The following LRRK1 variants were observed in gnomAD, a reference collection of about 807,000 sequenced individuals.
LRRK1 encodes the protein leucine-rich repeat serine/threonine-protein kinase 1.
LRRK1 carries 113 observed loss-of-function variants against 209.1 expected under a neutral mutation model. That is an observed-to-expected ratio of 0.54 (90% CI 0.46 to 0.63). The LOEUF is 0.63. Ranked by LOEUF, LRRK1 falls within the 30% of genes least tolerant of loss-of-function variation. LRRK1 has a pLI of 0.00. For synonymous variants in LRRK1, 1,144 were observed against 1,099.7 expected (o/e 1.04, Z -0.80); for missense variants, 2,284 against 2,632.2 (o/e 0.87, Z 2.89).
intron 2 of LRRK1, among the ~76,000 whole-genome samples, chr15:100,960,131 AG>A (rs2042846996): frequency 6.6e-6 from 1 of 152,212 alleles, no homozygotes; most frequent in African/African-American, 2.4e-5. Context: ...CCGCCACGTA[AG>A]AAAAACCAGA....
At chr15:101,054,234 A>G (rs577649588) in intron 26 of LRRK1, among the ~76,000 whole-genome samples, 28 of 152,272 alleles carry the variant, frequency 1.8e-4, no homozygotes, top group African/African-American at 6.7e-4. Flanking sequence ...TTAGCCTCCC[A>G]AAGTGCTGGA....
At chr15:100,958,686 G>A (rs1567200531) in intron 2 of LRRK1, among the ~76,000 whole-genome samples, 2 of 152,044 alleles carry the variant, frequency 1.3e-5, no homozygotes, top group Admixed American at 6.5e-5. Flanking sequence ...AGAGCCTCTC[G>A]GGGTCAGGCA....
At chr15:100,973,402 TGGCC>T (rs1443363609) in intron 2 of LRRK1, among the ~76,000 whole-genome samples, 1 of 151,884 alleles carries the variant, frequency 6.6e-6, no homozygotes, top group Non-Finnish European at 1.5e-5. Context: ...CCCCGGGAGG[TGGCC>T]TGTCTTTCCC....
At chr15:101,054,679 C>T (rs574251504) in intron 26 of LRRK1, among the ~76,000 whole-genome samples, 220 of 152,194 alleles carry the variant, frequency 1.4e-3, no homozygotes, top group African/African-American at 5.0e-3. Flanking sequence ...TGGTGGCACG[C>T]GCCTATAGTC....
chr15:100,930,278 C>T (rs934594612), intron 2 of LRRK1, among the ~76,000 whole-genome samples: 4 of 152,198 alleles, frequency 2.6e-5, no homozygotes, highest in African/African-American at 4.8e-5. Context: ...AGCCATCCCA[C>T]GGACAGGCCG....
intron 20 of LRRK1, chr15:101,043,995 A>C (rs1020419907): frequency 1.3e-5 from 2 of 152,186 alleles, no homozygotes; most frequent in Non-Finnish European, 1.5e-5. Flanking sequence ...GTAGGTACTC[A>C]TAGCCATGGT....
Position 101,075,028 on chromosome 15 carries a change from A to T in LRRK1, c.*6180A>T, listed in dbSNP as rs9744716. ...GGCTGAAGACTGACACTGCCCGATCACCTCGGAAGCCCCCTAGACCATCAC... is the reference window on the plus strand; with the variant it reads ...GGCTGAAGACTGACACTGCCCGATCTCCTCGGAAGCCCCCTAGACCATCAC... On this transcript the variant is annotated 3_prime_UTR_variant, in exon 34 of 34. Coordinates refer to ENST00000388948, the MANE Select transcript of LRRK1 (RefSeq NM_024652.6). 1 of 104,596 alleles carries T rather than the reference A, an allele frequency of 9.6e-6. No individual in the cohort carries two copies. Among genetic ancestry groups the T allele is most frequent in the South Asian group, 3.2e-4 (1 of 3,102 alleles). The allele number at this position is 104,596 out of a possible 1,614,324, so 6.5% of individuals were successfully genotyped here.
At chr15:100,981,785 C>A (rs142539421) in intron 3 of LRRK1, among the ~76,000 whole-genome samples, 13 of 152,374 alleles carry the variant, frequency 8.5e-5, no homozygotes, top group African/African-American at 3.1e-4. Context: ...AGTCCAGCAT[C>A]TGGCACCTGG....
At chr15:101,014,476 G>A (rs770193236) in intron 11 of LRRK1, 48 bp downstream of exon 11, 6 of 1,296,994 alleles carry the variant, frequency 4.6e-6, no homozygotes, top group African/African-American at 2.9e-5. Flanking sequence ...CGTGTGTGGG[G>A]CCACGGTCGA....
intron 2 of LRRK1, among the ~76,000 whole-genome samples, chr15:100,938,089 G>A (rs1047480145): frequency 6.6e-6 from 1 of 151,374 alleles, no homozygotes; most frequent in Non-Finnish European, 1.5e-5. Context: ...GAACTCCTGA[G>A]CTCAAGCAAT....
In LRRK1 at chr15:101,012,071, A is replaced by G. The variant is rs2033279349; in HGVS notation, c.1345A>G (p.Lys449Glu). ...CLPDKMAVFW[K>E]NHLKDVDFSE... ...GCCAGACAAAATGGCTGTCTTTTGGAAAAATCACCTGAAGGATGTGGATTT... is the reference window on the plus strand; with the variant it reads ...GCCAGACAAAATGGCTGTCTTTTGGGAAAATCACCTGAAGGATGTGGATTT... Residue 449 changes from lysine to glutamate, a missense_variant, in exon 10 of 34, where the codon AAA (lysine) becomes GAA (glutamate). This residue lies in a region of LRRK1 where 494 missense variants were observed against 522.1 expected (regional missense o/e 0.95). Transcript: ENST00000388948. 2 of 1,612,698 alleles carry G rather than the reference A, an allele frequency of 1.2e-6. No homozygotes were observed. Among genetic ancestry groups the G allele is most frequent in the Admixed American group, 1.7e-5 (1 of 59,868 alleles).
intron 6 of LRRK1, among the ~76,000 whole-genome samples, chr15:101,001,794 G>T (rs74344046): frequency 2.0e-5 from 3 of 152,134 alleles, no homozygotes; most frequent in Non-Finnish European, 2.9e-5. Context: ...CGGTTTCTAG[G>T]GGGGAAGATT....
In LRRK1 at chr15:100,988,661, A is replaced by G; in HGVS notation, c.461A>G (p.Asn154Ser). Residue 154 changes from asparagine (N) to serine (S), a missense_variant, in exon 5 of 34, where the codon AAC becomes AGC. This residue lies in a region of LRRK1 where 134 missense variants were observed against 191.7 expected (regional missense o/e 0.70). Transcript: ENST00000388948. ...CCCTGCAGTCCCCAGCGGCTTCTGAACTGGATGCTGGCCTTGGCTTGCCAG... is the reference window on the plus strand; with the variant it reads ...CCCTGCAGTCCCCAGCGGCTTCTGAGCTGGATGCTGGCCTTGGCTTGCCAG... ...PGPCSPQRLLNWMLALACQRG... is the reference protein window; with the variant it reads ...PGPCSPQRLLSWMLALACQRG... 6.2e-7 allele frequency: 1 copy of G among 1,614,146 alleles called. No individual in the cohort carries two copies. The highest frequency in any genetic ancestry group is 8.5e-7 in the Non-Finnish European group (1 of 1,180,012).
intron 12 of LRRK1, among the ~76,000 whole-genome samples, chr15:101,017,475 G>C (rs1388094458): frequency 6.6e-6 from 1 of 152,172 alleles, no homozygotes; most frequent in East Asian, 1.9e-4. Context: ...ACCGGTATTG[G>C]TCCCTGGCCT....
intron 26 of LRRK1, 50 bp from the exon 27 acceptor site, chr15:101,054,896 C>A (rs746723963): frequency 2.1e-6 from 3 of 1,421,402 alleles, no homozygotes; most frequent in South Asian, 1.3e-5. Flanking sequence ...TAATTTGATT[C>A]TATCAAAACT....
At chr15:101,012,223 C>A in intron 10 of LRRK1, 78 bp downstream of exon 10, 1 of 1,247,856 alleles carries the variant, frequency 8.0e-7, no homozygotes. Context: ...AATGTATGTG[C>A]TTTTCCTGAG....
chr15:101,049,066 T>A (rs562230188), intron 22 of LRRK1, among the ~76,000 whole-genome samples: 1 of 152,288 alleles, frequency 6.6e-6, no homozygotes, highest in South Asian at 2.1e-4. Context: ...AGCCCCCATC[T>A]CCACTGCCCA....
intron 6 of LRRK1, among the ~76,000 whole-genome samples, chr15:101,003,886 C>T (rs2032819096): frequency 6.6e-6 from 1 of 152,130 alleles, no homozygotes; most frequent in Non-Finnish European, 1.5e-5. Context: ...ACCCACATTC[C>T]AGTAGGGAGG....
chr15:101,015,821 C>G (rs74406250), intron 12 of LRRK1, among the ~76,000 whole-genome samples: 23,679 of 152,022 alleles, frequency 0.16, 2,219 homozygotes, highest in East Asian at 0.33. Flanking sequence ...TACCACCGAC[C>G]GAGTGCTTCA....
Sources: gnomAD v4.1 joint callset for allele counts (sites outside exome capture counted in the v4.1 genomes callset) on GRCh38, gnomAD v4.1.1 for gene constraint, gnomAD v4.1.1 regional missense constraint, MANE v1.5 for transcripts, NCBI Gene and HGNC (gene_info 2026-07-23, HGNC 2026-07-21) for gene names.